The following FCMR variants were observed in gnomAD, a reference collection of about 807,000 sequenced individuals.
The protein encoded by FCMR is immunoglobulin mu Fc receptor.
A neutral mutation model predicts 41.6 loss-of-function variants in FCMR; 34 were observed. The ratio of observed to expected loss-of-function variants is 0.82; its 90% confidence interval spans 0.62 to 1.09. The LOEUF (loss-of-function observed/expected upper bound fraction) is 1.09, where lower values mean the gene tolerates loss of function less well. Among genes scored for constraint, FCMR ranks in the 50% least tolerant of loss-of-function variants. FCMR has a pLI of 0.00. For synonymous variants in FCMR, 209 were observed against 211.8 expected, an observed-to-expected ratio of 0.99 and a Z score of 0.12; for missense variants, 496 against 512.5, an observed-to-expected ratio of 0.97 and a Z score of 0.31.
Position 206,904,602 on chromosome 1 carries a change from G to T in FCMR, c.*417C>A, listed in dbSNP as rs768742548. On this transcript the variant is annotated 3_prime_UTR_variant, in exon 8 of 8. Coordinates refer to ENST00000367091, the MANE Select transcript of FCMR (RefSeq NM_005449.5). ...CTCAGAGCAAGAGCCTTCTATTTGT[G>T]TAAGACCCAACCCTGGGAAGGATGC... 4.6e-5 allele frequency: 10 copies of T among 216,020 alleles called. No individual in the cohort carries two copies. The highest frequency in any genetic ancestry group is 8.5e-5 in the Non-Finnish European group (9 of 105,684). The allele number at this position is 216,020 out of a possible 1,614,324, so 13.4% of individuals were successfully genotyped here. A position where few individuals can be genotyped will look rare whatever the true frequency, so the allele number is the denominator to read the frequency against.
intron 1 of FCMR, among the ~76,000 whole-genome samples, chr1:206,918,334 G>A (rs1679279180): frequency 6.6e-6 from 1 of 151,958 alleles, no homozygotes; most frequent in Non-Finnish European, 1.5e-5. Flanking sequence ...CTGTGCCTTG[G>A]ACCTGTTCTT....
chr1:206,908,121 C>A, intron 7 of FCMR: 1 of 1,251,998 alleles, frequency 8.0e-7, no homozygotes, highest in South Asian at 1.2e-5. Flanking sequence ...AGTTCCACTA[C>A]AGGAAGAAGA....
chr1:206,909,607 A>G lies in FCMR; in HGVS notation c.986-87T>C. On this transcript the variant is annotated intron_variant, in intron 6 of 7. Coordinates refer to ENST00000367091, the MANE Select transcript of FCMR (RefSeq NM_005449.5). This position sits in a 1 kb window ranked among gnomAD's most constrained non-coding sequence, Gnocchi z 5.0. ...CTACTCCCAGCTCCACCCCCGCCCCACTCCCAGCTCCACCCTGTGGGAAGC... is the reference window on the plus strand; with the variant it reads ...CTACTCCCAGCTCCACCCCCGCCCCGCTCCCAGCTCCACCCTGTGGGAAGC... 1.1e-5 allele frequency: 14 copies of G among 1,235,374 alleles called. No homozygotes were observed. Among genetic ancestry groups the G allele is most frequent in the Non-Finnish European group, 1.4e-5 (14 of 967,528 alleles). 76.5% of individuals were successfully genotyped at this position (1,235,374 alleles called of 1,614,324 possible).
Position 206,909,541 on chromosome 1 carries a change from G to A in FCMR, c.986-21C>T. 7.5e-7 allele frequency: 1 copy of A among 1,327,202 alleles called. No homozygotes were observed. The allele number at this position is 1,327,202 out of a possible 1,614,324, so 82.2% of individuals were successfully genotyped here. ...TGTGCCTAGGGAACAGCGAGGGCGA[G>A]GTGAGGCGGCGGCCGAGGCTCCCGC... is the stretch of plus-strand genomic sequence containing the variant. On this transcript the variant is annotated intron_variant, in intron 6 of 7. Coordinates refer to ENST00000367091, the MANE Select transcript of FCMR (RefSeq NM_005449.5). The surrounding 1 kb of genome is among the most constrained non-coding windows in gnomAD (Gnocchi z 5.0).
chr1:206,917,640 T>C (rs1341933077), intron 1 of FCMR, among the ~76,000 whole-genome samples: 1 of 152,186 alleles, frequency 6.6e-6, no homozygotes, highest in Admixed American at 6.5e-5. Flanking sequence ...TCTCCTTCTG[T>C]TTTTAAGACA....
chr1:206,914,184 C>T, intron 1 of FCMR, 90 bp from the exon 2 acceptor site: 1 of 1,030,046 alleles, frequency 9.7e-7, no homozygotes, highest in East Asian at 2.5e-5. Flanking sequence ...GTCTCTCCAA[C>T]CCTAGCCCAG....
At position 206,904,297 on chromosome 1, in the gene FCMR, C is replaced by CTAT. The variant is rs1413469938; in HGVS notation, c.*721_*722insATA. Reference sequence around the variant, plus strand: ...GCTATGGAAGAAAGATAAAGAGATACTTTTTTTTTTTTTTTTTTAGAGGGG... The same window carrying CTAT: ...GCTATGGAAGAAAGATAAAGAGATACTATTTTTTTTTTTTTTTTTTTAGAGGGG... On this transcript the variant is annotated 3_prime_UTR_variant, in exon 8 of 8. Transcript: ENST00000367091. 7.2e-6 allele frequency: 1 copy of CTAT among 138,172 alleles called. No individual in the cohort carries two copies. Among genetic ancestry groups the CTAT allele is most frequent in the African/African-American group, 2.7e-5 (1 of 37,138 alleles). The allele number at this position is 138,172 out of a possible 1,614,324, so 8.6% of individuals were successfully genotyped here. A position where few individuals can be genotyped will look rare whatever the true frequency, so the allele number is the denominator to read the frequency against.
At chr1:206,916,320 G>A (rs74763676) in intron 1 of FCMR, among the ~76,000 whole-genome samples, 2 of 152,334 alleles carry the variant, frequency 1.3e-5, no homozygotes, top group African/African-American at 2.4e-5. Flanking sequence ...GTTGAATGCC[G>A]AGGGTGGGAG....
At chr1:206,908,037 C>A (rs1040075888) in intron 7 of FCMR, 41 of 1,253,830 alleles carry the variant, frequency 3.3e-5, no homozygotes, top group Non-Finnish European at 4.6e-5. Flanking sequence ...ATCTGGAGCG[C>A]CTGGCTCACG....
Position 206,909,601 on chromosome 1 carries a change from C to T in FCMR, c.986-81G>A. On this transcript the variant is annotated intron_variant, in intron 6 of 7. Transcript: ENST00000367091. The surrounding 1 kb of genome is among the most constrained non-coding windows in gnomAD (Gnocchi z 5.0). ...ATGCTACTACTCCCAGCTCCACCCC[C>T]GCCCCACTCCCAGCTCCACCCTGTG... 1 of 1,274,308 alleles carries T rather than the reference C, an allele frequency of 7.8e-7. No homozygotes were observed. Among genetic ancestry groups the T allele is most frequent in the East Asian group, 3.2e-5 (1 of 31,652 alleles). The allele number at this position is 1,274,308 out of a possible 1,614,324, so 78.9% of individuals were successfully genotyped here.
At chr1:206,921,416 C>G (rs1403204066) in intron 1 of FCMR, 2 of 441,824 alleles carry the variant, frequency 4.5e-6, no homozygotes, top group Admixed American at 2.5e-5. Context: ...TCCTGGGCAA[C>G]ACAGCAAGAC....
At position 206,913,798 on chromosome 1, in the gene FCMR, G is replaced by A. The variant is rs768410930; in HGVS notation, c.334C>T (p.Arg112Trp). The A allele has an allele frequency of 2.9e-5, 46 of 1,614,028 alleles. No homozygotes were observed. The highest frequency in any genetic ancestry group is 1.6e-4 in the Middle Eastern group (1 of 6,084). The change falls in exon 2 of 8, where the codon CGG becomes TGG. Residue 112 changes from arginine (R) to tryptophan (W), a missense_variant. Physicochemically the swap from Arg to Trp is moderately radical, Grantham distance 101. Transcript: ENST00000367091. ...AGGGTGACTTTCTGGGTCTTTCCCC[G>A]GTCTGTGTTCATGCCCGCTCCGCAG... ...YACGAGMNTD[R>W]GKTQKVTLNV...
upstream of FCMR, chr1:206,923,070 C>G (rs1679491007): frequency 6.6e-6 from 1 of 152,302 alleles, no homozygotes; most frequent in African/African-American, 2.4e-5. Context: ...AGTTTCATCC[C>G]TGGAGGTCAG....
intron 7 of FCMR, among the ~76,000 whole-genome samples, chr1:206,907,103 T>TGGGGGGGGGGGGGGGGGGGGGGGGGGGGG (rs75679471): frequency 2.3e-5 from 1 of 43,358 alleles, no homozygotes; most frequent in African/African-American, 8.4e-5. Flanking sequence ...GGTGGGGGGG[T>TGGGGGGGGGGGGGGGGGGGGGGGGGGGGG]GGGGGGGGGG....
At chr1:206,921,487 G>A (rs2102584422) in intron 1 of FCMR, 1 of 444,596 alleles carries the variant, frequency 2.2e-6, no homozygotes, top group African/African-American at 2.0e-5. Flanking sequence ...TGTAGTCCTA[G>A]CTACTAGAGA....
chr1:206,910,359 G>A lies in FCMR; in HGVS notation c.711-19C>T, dbSNP rs757777300. The A allele has an allele frequency of 1.8e-5, 27 of 1,520,482 alleles. No homozygotes were observed. In the South Asian group the frequency reaches 2.8e-4, roughly 16 times the overall value. 94.2% of individuals were successfully genotyped at this position (1,520,482 alleles called of 1,614,324 possible). Reference sequence around the variant, plus strand: ...CAGTGCTCTGGGGAGGGAAGGAAAGGGAGAGAGGGAGGAAGAGATTATTAA... The same window carrying A: ...CAGTGCTCTGGGGAGGGAAGGAAAGAGAGAGAGGGAGGAAGAGATTATTAA... On this transcript the variant is annotated intron_variant, in intron 4 of 7. Coordinates refer to ENST00000367091, the MANE Select transcript of FCMR (RefSeq NM_005449.5).
intron 1 of FCMR, among the ~76,000 whole-genome samples, chr1:206,918,627 T>A (rs1233264312): frequency 1.3e-5 from 2 of 150,590 alleles, no homozygotes; most frequent in African/African-American, 4.9e-5. Context: ...ATCTTCATGT[T>A]AAAGAATCAA....
chr1:206,921,762 T>C lies in FCMR; in HGVS notation c.37+56A>G, dbSNP rs559088851. ...TAGAGCTACCAGGCAATTATTCTAC[T>C]TGTGGCCAATTCAAGCCTCATTCAG... On this transcript the variant is annotated intron_variant, in intron 1 of 7. Transcript: ENST00000367091. The C allele has an allele frequency of 5.4e-5, 81 of 1,511,934 alleles. 1 individual carries two copies. In the South Asian group the frequency reaches 8.3e-4, roughly 16 times the overall value. 93.7% of individuals were successfully genotyped at this position (1,511,934 alleles called of 1,614,324 possible).
intron 7 of FCMR, chr1:206,906,058 G>A: frequency 3.3e-6 from 1 of 301,610 alleles, no homozygotes; most frequent in Non-Finnish European, 6.8e-6. Flanking sequence ...TGTCAGTGAG[G>A]ATGAAACTCA....
Sources: allele counts gnomAD v4.1 joint callset (sites outside exome capture counted in the v4.1 genomes callset), GRCh38; gene constraint gnomAD v4.1.1; non-coding constraint Gnocchi (gnomAD v3.1); transcripts MANE v1.5; gene names NCBI Gene and HGNC (gene_info 2026-07-23, HGNC 2026-07-21).